Variants in TNIP1 observed in about 807,000 individuals in gnomAD.
The protein encoded by TNIP1 is TNFAIP3-interacting protein 1.
A neutral mutation model predicts 86.6 loss-of-function variants in TNIP1; 22 were observed. The ratio of observed to expected loss-of-function variants is 0.25; its 90% CI spans 0.18 to 0.36. The LOEUF (loss-of-function observed/expected upper bound fraction) is 0.36. Among genes scored for constraint, TNIP1 ranks in the 10% least tolerant of loss-of-function variants. TNIP1 has a pLI of 1.00. For synonymous variants in TNIP1, 294 were observed against 313.0 expected, an observed-to-expected ratio of 0.94 and a Z score of 0.64; for missense variants, 709 against 820.6, an observed-to-expected ratio of 0.86 and a Z score of 1.66.
At chr5:151,068,041 C>T (rs1425902234) in intron 1 of TNIP1, among the ~76,000 whole-genome samples, 1 of 152,154 alleles carries the variant, frequency 6.6e-6, no homozygotes, top group African/African-American at 2.4e-5. Context: ...TCATGGGAAA[C>T]AAAAAGTGGG....
At chr5:151,034,880 A>T in intron 15 of TNIP1, 122 bp downstream of exon 15, 1 of 1,012,040 alleles carries the variant, frequency 9.9e-7, no homozygotes, top group Non-Finnish European at 1.5e-6. Context: ...TTCCTGTATT[A>T]CTCATCAGTT....
chr5:151,056,996 G>A (rs778808655), intron 5 of TNIP1, 39 bp from the exon 6 acceptor site: 62 of 1,382,824 alleles, frequency 4.5e-5, no homozygotes, highest in Non-Finnish European at 5.6e-5. Context: ...TCTTCACCAA[G>A]GCCTGAGTAG....
chr5:151,036,687 T>TTA (rs1478791448), intron 13 of TNIP1, 103 bp downstream of exon 13: 33 of 1,559,068 alleles, frequency 2.1e-5, no homozygotes, highest in Non-Finnish European at 2.5e-5. Flanking sequence ...AGAAAGTGGA[T>TTA]TACTAATTAC....
upstream of TNIP1, among the ~76,000 whole-genome samples, chr5:151,085,747 A>G (rs1370216558): frequency 6.6e-6 from 1 of 152,160 alleles, no homozygotes; most frequent in Non-Finnish European, 1.5e-5. Context: ...CTGGGCTTGC[A>G]TCCAGGGTTG....
At position 151,052,239 on chromosome 5, in the gene TNIP1, C is replaced by G. The variant is rs1358732713; in HGVS notation, c.648G>C (p.Arg216=). 9.3e-6 allele frequency: 15 copies of G among 1,614,062 alleles called. No homozygotes were observed. Among genetic ancestry groups the G allele is most frequent in the Non-Finnish European group, 1.3e-5 (15 of 1,179,982 alleles). The change falls in exon 7 of 18, where the codon CGG becomes CGC. Residue 216 remains arginine (R), a synonymous_variant. Transcript: ENST00000521591. The part of the protein sequence containing the change: ...SILQTLCEQL[R]KENEALKAKL... ...TGGCCTTCAGAGCCTCGTTCTCCTT[C>G]CGAAGCTGCTCACACAGGGTCTGTG...
At chr5:151,050,085 G>A in intron 7 of TNIP1, 138 bp from the exon 8 acceptor site, 1 of 1,428,538 alleles carries the variant, frequency 7.0e-7, no homozygotes, top group Non-Finnish European at 9.4e-7. Context: ...TGCCCTCCTG[G>A]AAAACCAAAA....
rs771465085 is a variant in TNIP1 at position 151,063,691 on chromosome 5, C to T, written c.193G>A (p.Glu65Lys). Residue 65 changes from glutamate to lysine, a missense_variant, in exon 3 of 18, where the codon GAG becomes AAG. Glu to Lys is a moderately conservative substitution (Grantham distance 56, BLOSUM62 1). Coordinates refer to ENST00000521591, the MANE Select transcript of TNIP1 (RefSeq NM_006058.5). The stretch of plus-strand genomic sequence containing the variant: ...AGCAGCTCGTTGTCCTTCACTAGCT[C>T]CTCTGCCTTCTGCCGGAGCCTGGTC... ...EATRLRQKAE[E>K]LVKDNELLPP... 1 of 1,614,124 alleles carries T rather than the reference C, an allele frequency of 6.2e-7. No individual in the cohort carries two copies. Among genetic ancestry groups the T allele is most frequent in the South Asian group, 1.1e-5 (1 of 91,086 alleles).
intron 2 of TNIP1, among the ~76,000 whole-genome samples, chr5:151,064,049 C>T (rs1180051583): frequency 6.6e-6 from 1 of 152,160 alleles, no homozygotes; most frequent in African/African-American, 2.4e-5. Flanking sequence ...CCCTTCACAC[C>T]CAGCCAGGGC....
chr5:151,063,523 G>A (rs1761847702), intron 3 of TNIP1, 90 bp downstream of exon 3: 1 of 1,535,038 alleles, frequency 6.5e-7, no homozygotes, highest in African/African-American at 1.4e-5. Context: ...GAGAGAATGT[G>A]GGTTTTGGCA....
intron 1 of TNIP1, among the ~76,000 whole-genome samples, chr5:151,078,904 C>T (rs1333384783): frequency 3.3e-5 from 5 of 152,164 alleles, no homozygotes; most frequent in Admixed American, 2.0e-4. Context: ...CAAATCAGGT[C>T]GGCCTGACCC....
intron 1 of TNIP1, among the ~76,000 whole-genome samples, chr5:151,086,415 G>T (rs1198445432): frequency 2.0e-5 from 3 of 152,172 alleles, no homozygotes; most frequent in Non-Finnish European, 4.4e-5. Flanking sequence ...AGCAGAGCAG[G>T]CAGGAGAGAA....
intron 14 of TNIP1, 95 bp downstream of exon 14, chr5:151,035,487 G>C: frequency 6.4e-7 from 1 of 1,567,708 alleles, no homozygotes; most frequent in Non-Finnish European, 8.7e-7. Flanking sequence ...AGCAGTGAGG[G>C]TCCTGACATC....
chr5:151,032,268 C>A lies in TNIP1; in HGVS notation c.1876+19G>T. 1 of 1,594,602 alleles carries A rather than the reference C, an allele frequency of 6.3e-7. No homozygotes were observed. Among genetic ancestry groups the A allele is most frequent in the Admixed American group, 1.7e-5 (1 of 57,744 alleles). On this transcript the variant is annotated intron_variant, in intron 17 of 17. Transcript: ENST00000521591. The stretch of plus-strand genomic sequence containing the variant: ...TTATCTCCCCCAGGGAGGACCAAGA[C>A]TCAGTATTAGGGGCTCACCTGGTTC...
intron 5 of TNIP1, among the ~76,000 whole-genome samples, chr5:151,059,344 A>G (rs1262325776): frequency 6.6e-6 from 1 of 152,244 alleles, no homozygotes; most frequent in Admixed American, 6.5e-5. Context: ...GAGCCTTTCC[A>G]ATACTCAGAG....
chr5:151,046,630 T>G (rs975428200), intron 8 of TNIP1, among the ~76,000 whole-genome samples: 2 of 152,118 alleles, frequency 1.3e-5, no homozygotes, highest in African/African-American at 4.8e-5. Flanking sequence ...GTGAGTTTGA[T>G]GCATCTTATA....
chr5:151,075,205 C>A (rs1040953113), intron 1 of TNIP1, among the ~76,000 whole-genome samples: 1 of 152,032 alleles, frequency 6.6e-6, no homozygotes, highest in Non-Finnish European at 1.5e-5. Context: ...TTGTTGGTGG[C>A]TGATGAAGGA....
In TNIP1 at chr5:151,046,106, G is replaced by A. The variant is rs571798564; in HGVS notation, c.847-156C>T. On this transcript the variant is annotated intron_variant, in intron 8 of 17. Transcript: ENST00000521591. ...GGACACCACTAACCATCCCAGTCAT[G>A]ACTACGTCCCCTTCTAGAAGTCTAC... 1.2e-5 allele frequency: 8 copies of A among 642,762 alleles called. No individual in the cohort carries two copies. In the Admixed American group the frequency reaches 2.0e-4, roughly 16 times the overall value. The allele number at this position is 642,762 out of a possible 1,614,324, so 39.8% of individuals were successfully genotyped here.
chr5:151,043,059 G>A, intron 9 of TNIP1, 98 bp from the exon 10 acceptor site: 1 of 1,264,870 alleles, frequency 7.9e-7, no homozygotes, highest in Non-Finnish European at 1.1e-6. Context: ...GGTGTGCTCG[G>A]TGTGTGTGAA....
At chr5:151,041,274 T>C (rs1181368927) in intron 11 of TNIP1, among the ~76,000 whole-genome samples, 2 of 152,188 alleles carry the variant, frequency 1.3e-5, no homozygotes, top group Non-Finnish European at 2.9e-5. Context: ...TTTCACCATG[T>C]TGGCCAGGCT....
Sources: allele counts gnomAD v4.1 joint callset (sites outside exome capture counted in the v4.1 genomes callset), GRCh38; gene constraint gnomAD v4.1.1; transcripts MANE v1.5; gene names NCBI Gene and HGNC (gene_info 2026-07-23, HGNC 2026-07-21).